The following CCSER1 variants were observed in gnomAD, a reference collection of about 807,000 sequenced individuals.
The protein encoded by CCSER1 is coiled-coil serine rich protein 1, also known as serine-rich coiled-coil domain-containing protein 1.
In CCSER1, 41 loss-of-function variants were observed where a neutral mutation model predicts 82.0. That is an observed-to-expected ratio of 0.50 (90% CI 0.39 to 0.65). CCSER1 has a LOEUF of 0.65. CCSER1 is among the 30% of genes least tolerant of loss of function. The pLI, the probability that CCSER1 is intolerant of heterozygous loss-of-function variation, is 0.00. For missense variants in CCSER1, 1,119 were observed against 1,064.2 expected, an observed-to-expected ratio of 1.05 and a Z score of -0.72; for synonymous variants, 414 against 383.9, an observed-to-expected ratio of 1.08 and a Z score of -0.92.
chr4:90,227,668 C>T (rs1469542592), intron 1 of CCSER1, among the ~76,000 whole-genome samples: 6 of 152,188 alleles, frequency 3.9e-5, no homozygotes, highest in African/African-American at 4.8e-5. Context: ...CCAGCGTGAG[C>T]GACGCAGAAG....
intron 10 of CCSER1, among the ~76,000 whole-genome samples, chr4:91,317,854 TTATAA>T (rs1745938066): frequency 6.6e-6 from 1 of 151,746 alleles, no homozygotes; most frequent in Non-Finnish European, 1.5e-5. Context: ...TTACTGAAAA[TTATAA>T]TATATACAAA....
intron 4 of CCSER1, among the ~76,000 whole-genome samples, chr4:90,456,899 C>T (rs1240731811): frequency 1.3e-5 from 2 of 152,188 alleles, no homozygotes; most frequent in East Asian, 1.9e-4. Flanking sequence ...ATCTCTGTGG[C>T]TGGTGGTGCC....
intron 10 of CCSER1, among the ~76,000 whole-genome samples, chr4:91,515,357 C>T (rs1279981468): frequency 1.3e-5 from 2 of 152,072 alleles, no homozygotes; most frequent in African/African-American, 4.8e-5. Flanking sequence ...TTCTCACCTC[C>T]TAACCTCCAT....
intron 10 of CCSER1, among the ~76,000 whole-genome samples, chr4:91,298,036 A>G (rs965771351): frequency 1.3e-5 from 2 of 152,010 alleles, no homozygotes; most frequent in African/African-American, 4.8e-5. Flanking sequence ...AAAATCCTAC[A>G]TGGAGAAGCA....
At chr4:90,816,665 A>C (rs944574400) in intron 8 of CCSER1, among the ~76,000 whole-genome samples, 13 of 152,130 alleles carry the variant, frequency 8.5e-5, no homozygotes, top group Non-Finnish European at 1.5e-4. Flanking sequence ...CCATGCAATA[A>C]GAGAGACCCT....
At chr4:91,581,586 C>A (rs533095358) in intron 10 of CCSER1, among the ~76,000 whole-genome samples, 24 of 151,736 alleles carry the variant, frequency 1.6e-4, no homozygotes, top group African/African-American at 5.5e-4. Flanking sequence ...GACAGGGTTA[C>A]AAATGGAGTA....
chr4:91,416,297 A>G (rs200341081), intron 10 of CCSER1, among the ~76,000 whole-genome samples: 2 of 152,202 alleles, frequency 1.3e-5, no homozygotes, highest in Non-Finnish European at 1.5e-5. Flanking sequence ...TATACATTCA[A>G]TGCTATTCCC....
chr4:90,832,471 T>A lies in CCSER1; in HGVS notation c.2094+16626T>A, dbSNP rs535490549. The stretch of plus-strand genomic sequence containing the variant: ...TAAAGAACTTAAGCATCTTCATCGC[T>A]TTGAGTTGACTTTTTTTAATGTTTG... On this transcript the variant is annotated intron_variant, in intron 8 of 10. Coordinates refer to ENST00000509176, the MANE Select transcript of CCSER1 (RefSeq NM_001145065.2). 8.1e-4 allele frequency among the ~76,000 whole-genome samples: 123 copies of A among 152,300 alleles called. 4 individuals are homozygous for A. In the South Asian group the frequency reaches 0.024, roughly 30 times the overall value.
At chr4:90,208,298 G>C (rs988616518) in intron 1 of CCSER1, among the ~76,000 whole-genome samples, 1 of 152,142 alleles carries the variant, frequency 6.6e-6, no homozygotes, top group Non-Finnish European at 1.5e-5. Context: ...CTTTGTTTAT[G>C]CTGTAAAGGG....
At position 91,598,561 on chromosome 4, in the gene CCSER1, T is replaced by C. The variant is rs753752034; in HGVS notation, c.2218-11T>C. ...TTTAAGACATCTTTTTCTTTCTGTG[T>C]CTTACCATAGGCTACATATCGAAAT... On this transcript the variant is annotated splice_polypyrimidine_tract_variant and intron_variant, in intron 10 of 10. Coordinates refer to ENST00000509176, the MANE Select transcript of CCSER1 (RefSeq NM_001145065.2). 4.6e-6 allele frequency: 7 copies of C among 1,536,638 alleles called. No individual in the cohort carries two copies. The South Asian group carries it at 8.4e-5, about 18-fold the overall frequency.
intron 8 of CCSER1, among the ~76,000 whole-genome samples, chr4:90,892,107 T>C (rs1388435354): frequency 1.3e-5 from 2 of 152,106 alleles, no homozygotes; most frequent in East Asian, 1.9e-4. Flanking sequence ...TTAAACGTAG[T>C]GTTAGATTTT....
chr4:90,821,549 C>T (rs908417844), intron 8 of CCSER1, among the ~76,000 whole-genome samples: 1 of 152,012 alleles, frequency 6.6e-6, no homozygotes, highest in Admixed American at 6.6e-5. Context: ...TCTTATCCAA[C>T]AGAAAGATTT....
chr4:90,906,635 C>T (rs1483440603), intron 8 of CCSER1, among the ~76,000 whole-genome samples: 1 of 151,938 alleles, frequency 6.6e-6, no homozygotes, highest in Non-Finnish European at 1.5e-5. Flanking sequence ...ATTTTTAAAC[C>T]ATAGTGATTA....
intron 10 of CCSER1, among the ~76,000 whole-genome samples, chr4:91,236,744 A>T (rs1581820873): frequency 6.6e-6 from 1 of 152,226 alleles, no homozygotes; most frequent in East Asian, 1.9e-4. Context: ...TATGGTTCTT[A>T]TTTCAGAGGC....
intron 10 of CCSER1, among the ~76,000 whole-genome samples, chr4:91,462,239 TAC>T (rs1756547355): frequency 6.6e-6 from 1 of 152,224 alleles, no homozygotes; most frequent in African/African-American, 2.4e-5. Flanking sequence ...CTCCTTATCA[TAC>T]AGTTTAAATC....
intron 5 of CCSER1, among the ~76,000 whole-genome samples, chr4:90,624,013 TAA>T (rs1447874980): frequency 6.6e-6 from 1 of 152,208 alleles, no homozygotes; most frequent in Non-Finnish European, 1.5e-5. Context: ...CTAAGGTTTT[TAA>T]AAGTTATTAT....
chr4:90,455,705 C>A (rs1305382561), intron 4 of CCSER1, among the ~76,000 whole-genome samples: 1 of 152,156 alleles, frequency 6.6e-6, no homozygotes, highest in East Asian at 1.9e-4. Context: ...GAGGCATACC[C>A]AACAGGAGTA....
At chr4:91,486,434 G>T (rs965303773) in intron 10 of CCSER1, among the ~76,000 whole-genome samples, 2 of 151,816 alleles carry the variant, frequency 1.3e-5, no homozygotes, top group Non-Finnish European at 2.9e-5. Flanking sequence ...TTCAAAAAAG[G>T]AACTATTTCA....
intron 10 of CCSER1, among the ~76,000 whole-genome samples, chr4:91,409,185 A>AT (rs1250571364): frequency 1.3e-5 from 2 of 152,204 alleles, no homozygotes; most frequent in African/African-American, 2.4e-5. Context: ...CTCAGTAAAG[A>AT]TTAAACAATC....
Sources: allele counts gnomAD v4.1 joint callset (sites outside exome capture counted in the v4.1 genomes callset), GRCh38; gene constraint gnomAD v4.1.1; transcripts MANE v1.5; gene names NCBI Gene and HGNC (gene_info 2026-07-23, HGNC 2026-07-21).